Variants in LRRIQ1 observed in about 807,000 individuals in gnomAD.
The protein encoded by LRRIQ1 is leucine-rich repeat- and IQ domain-containing protein 1.
Under a neutral mutation model 211.9 loss-of-function variants are expected in LRRIQ1, and 210 were observed. The observed-to-expected ratio is 0.99, with a 90% CI of 0.89 to 1.11. LRRIQ1 has a LOEUF of 1.11. Ranked by LOEUF, LRRIQ1 falls within the 50% of genes most tolerant of loss-of-function variation. The pLI is 0.00. For synonymous variants in LRRIQ1, 699 were observed against 650.1 expected (o/e 1.08, Z -1.14); for missense variants, 2,136 against 1,939.5 (o/e 1.10, Z -1.90).
At chr12:85,262,303 T>G (rs1896323122) in intron 1 of LRRIQ1, among the ~76,000 whole-genome samples, 1 of 152,098 alleles carries the variant, frequency 6.6e-6, no homozygotes, top group East Asian at 1.9e-4. Context: ...AAAGGCAGTC[T>G]TCACAATAAT....
downstream of LRRIQ1, among the ~76,000 whole-genome samples, chr12:85,268,930 A>G (rs1399880015): frequency 6.6e-6 from 1 of 152,004 alleles, no homozygotes; most frequent in Non-Finnish European, 1.5e-5. Flanking sequence ...GGGGATTAAA[A>G]AAATGTTTTG....
chr12:85,157,416 G>A (rs1408326942), intron 23 of LRRIQ1, among the ~76,000 whole-genome samples: 2 of 151,820 alleles, frequency 1.3e-5, no homozygotes, highest in Non-Finnish European at 2.9e-5. Context: ...GTGAGTAATT[G>A]CTTTTAACCT....
rs1166408708 is a variant in LRRIQ1, at chr12:85,056,735, G to T, written c.1942G>T (p.Asp648Tyr). The change falls in exon 8 of 27, where the codon GAC becomes TAC. Residue 648 changes from aspartate to tyrosine, a missense_variant. Asp to Tyr is a radical substitution (Grantham distance 160). Transcript: ENST00000393217. ...KSKEIEENPK[D>Y]NAWNSGIVIF... ...CAAAGAAATTGAGGAGAACCCAAAA[G>T]ACAATGCTTGGAATAGTGGCATTGT... is the stretch of plus-strand genomic sequence containing the variant. 1.9e-6 allele frequency: 3 copies of T among 1,606,770 alleles called. No homozygotes were observed. The highest frequency in any genetic ancestry group is 2.2e-5 in the South Asian group (2 of 88,920).
chr12:85,191,044 A>G (rs1892486052), intron 24 of LRRIQ1, among the ~76,000 whole-genome samples: 1 of 151,962 alleles, frequency 6.6e-6, no homozygotes, highest in Non-Finnish European at 1.5e-5. Context: ...ATATTTTAGT[A>G]TAGTTTATGT....
chr12:85,074,269 G>A (rs988786968), intron 11 of LRRIQ1, among the ~76,000 whole-genome samples: 4 of 151,828 alleles, frequency 2.6e-5, no homozygotes, highest in African/African-American at 7.2e-5. Flanking sequence ...AAAATATAAC[G>A]TGAAATATTC....
chr12:85,036,644 A>C (rs1878123526), intron 1 of LRRIQ1, among the ~76,000 whole-genome samples: 1 of 151,598 alleles, frequency 6.6e-6, no homozygotes, highest in South Asian at 2.1e-4. Flanking sequence ...TTCGATGGTT[A>C]CTCACTCACC....
In LRRIQ1 at chr12:85,047,369, A is replaced by G; in HGVS notation, c.577A>G (p.Arg193Gly). 6.2e-7 allele frequency: 1 copy of G among 1,603,534 alleles called. No homozygotes were observed. Among genetic ancestry groups the G allele is most frequent in the East Asian group, 2.2e-5 (1 of 44,546 alleles). ...DKEKQTLKAQ[R>G]DREEKQFQEE... is the part of the protein sequence containing the mutation. ...AGAGAAACAAACTCTCAAAGCTCAGAGGGATAGAGAAGAAAAACAATTTCA... is the reference window on the plus strand; with the variant it reads ...AGAGAAACAAACTCTCAAAGCTCAGGGGGATAGAGAAGAAAAACAATTTCA... The change falls in exon 6 of 27, where the codon AGG becomes GGG. Residue 193 changes from arginine (R) to glycine (G), a missense_variant. Arg to Gly is a moderately radical substitution (Grantham distance 125). Coordinates refer to ENST00000393217, the MANE Select transcript of LRRIQ1 (RefSeq NM_001079910.2).
chr12:85,237,191 A>G (rs1222871279), intron 26 of LRRIQ1, among the ~76,000 whole-genome samples: 1 of 152,076 alleles, frequency 6.6e-6, no homozygotes, highest in Admixed American at 6.6e-5. Context: ...TAAAACCTGG[A>G]TAAAATTAAT....
At chr12:85,186,658 T>C (rs1416413805) in intron 24 of LRRIQ1, among the ~76,000 whole-genome samples, 2 of 152,100 alleles carry the variant, frequency 1.3e-5, no homozygotes, top group African/African-American at 2.4e-5. Context: ...GCAAAAAATA[T>C]ATTTTTTTAA....
At chr12:85,217,726 A>G (rs867113185) in intron 24 of LRRIQ1, among the ~76,000 whole-genome samples, 16 of 144,096 alleles carry the variant, frequency 1.1e-4, no homozygotes, top group African/African-American at 4.1e-4. Flanking sequence ...ATATGTATAT[A>G]TGTGTATATA....
intron 17 of LRRIQ1, among the ~76,000 whole-genome samples, chr12:85,126,506 G>A (rs1462661592): frequency 6.6e-6 from 1 of 152,108 alleles, no homozygotes; most frequent in African/African-American, 2.4e-5. Flanking sequence ...ATGAATGGAT[G>A]ATTGAATGAA....
chr12:85,155,244 T>TA (rs1214218430), intron 23 of LRRIQ1, among the ~76,000 whole-genome samples: 1 of 151,594 alleles, frequency 6.6e-6, no homozygotes, highest in African/African-American at 2.4e-5. Flanking sequence ...TTTTCAGGTT[T>TA]AAAACATTAA....
chr12:85,062,908 A>G (rs1024220051), intron 8 of LRRIQ1, among the ~76,000 whole-genome samples: 1 of 151,716 alleles, frequency 6.6e-6, no homozygotes, highest in East Asian at 1.9e-4. Flanking sequence ...TTGGTGTGAG[A>G]TGGTATCTCA....
At chr12:85,246,012 C>G (rs1895701710), downstream of LRRIQ1, among the ~76,000 whole-genome samples, 1 of 151,040 alleles carries the variant, frequency 6.6e-6, no homozygotes, top group Non-Finnish European at 1.5e-5. Context: ...CTGACTTTCA[C>G]TTTTCATCCA....
intron 10 of LRRIQ1, 93 bp downstream of exon 10, chr12:85,066,991 A>G (rs1882507468): frequency 1.7e-6 from 1 of 592,598 alleles, no homozygotes; most frequent in Admixed American, 4.0e-5. Context: ...CACCATCACA[A>G]ATCTGCATAT....
At chr12:85,099,885 A>G (rs1405053314) in intron 13 of LRRIQ1, among the ~76,000 whole-genome samples, 6 of 151,806 alleles carry the variant, frequency 4.0e-5, no homozygotes, top group Non-Finnish European at 8.9e-5. Context: ...ACAATTTGAC[A>G]TTGAAAAACA....
intron 11 of LRRIQ1, among the ~76,000 whole-genome samples, chr12:85,079,523 C>A (rs573252674): frequency 6.2e-4 from 94 of 152,042 alleles, no homozygotes; most frequent in African/African-American, 2.2e-3. Context: ...CCACCATGCC[C>A]AGCCTCTATC....
intron 1 of LRRIQ1, among the ~76,000 whole-genome samples, 180 bp from the exon 2 acceptor site, chr12:85,037,973 G>C (rs1194260635): frequency 6.6e-6 from 1 of 151,794 alleles, no homozygotes; most frequent in Non-Finnish European, 1.5e-5. Context: ...TGATCATTTT[G>C]TAGTCAAAGT....
At chr12:85,121,421 T>A (rs1333964002) in intron 15 of LRRIQ1, among the ~76,000 whole-genome samples, 2 of 152,174 alleles carry the variant, frequency 1.3e-5, no homozygotes, top group Non-Finnish European at 2.9e-5. Flanking sequence ...AATTCCAGCC[T>A]GAGTTTCCAA....
Sources: allele counts gnomAD v4.1 joint callset (sites outside exome capture counted in the v4.1 genomes callset), GRCh38; gene constraint gnomAD v4.1.1; transcripts MANE v1.5; gene names NCBI Gene and HGNC (gene_info 2026-07-23, HGNC 2026-07-21).